Variants in PTPRM observed in about 807,000 individuals in gnomAD.
The protein encoded by PTPRM is protein tyrosine phosphatase receptor type M.
A neutral mutation model predicts 186.7 loss-of-function variants in PTPRM; 47 were observed. The observed-to-expected ratio is 0.25, with a 90% confidence interval of 0.20 to 0.32. The LOEUF (loss-of-function observed/expected upper bound fraction) is 0.32. Among genes scored for constraint, PTPRM ranks in the 10% least tolerant of loss-of-function variants. The pLI, the probability that PTPRM is intolerant of heterozygous loss-of-function variation, is 1.00. For missense variants in PTPRM, 1,494 were observed against 1,865.0 expected (o/e 0.80, Z 3.66); for synonymous variants, 668 against 674.9 (o/e 0.99, Z 0.16).
intron 9 of PTPRM, among the ~76,000 whole-genome samples, chr18:8,082,515 C>G (rs916187391): frequency 6.8e-6 from 1 of 146,846 alleles, no homozygotes; most frequent in Admixed American, 6.8e-5. Flanking sequence ...CCCTCCCTCC[C>G]TCTCACCCTC....
chr18:8,233,132 A>G (rs2147173938), intron 14 of PTPRM, among the ~76,000 whole-genome samples: 1 of 152,350 alleles, frequency 6.6e-6, no homozygotes. Flanking sequence ...GTTTGATCAT[A>G]TAGCCTCCAG....
chr18:8,135,964 A>T (rs2092628737), intron 13 of PTPRM, among the ~76,000 whole-genome samples: 1 of 152,244 alleles, frequency 6.6e-6, no homozygotes. Flanking sequence ...TGCAAACAAC[A>T]ACTACTTTGT....
At position 7,679,561 on chromosome 18, in the gene PTPRM, A is replaced by G. The variant is rs538795926; in HGVS notation, c.74-94588A>G. 5.9e-5 allele frequency among the ~76,000 whole-genome samples: 9 copies of G among 152,292 alleles called. No homozygotes were observed. The South Asian group carries it at 1.9e-3, about 32-fold the overall frequency. On this transcript the variant is annotated intron_variant, in intron 1 of 32. Transcript: ENST00000580170. ...GTGCCTGTAATCCCAGCTATTCGGG[A>G]GGCCGAGGCACGAGAATCACTTGAA... is the stretch of plus-strand genomic sequence containing the variant.
chr18:8,134,013 A>G (rs1184335851), intron 13 of PTPRM, among the ~76,000 whole-genome samples: 5 of 152,184 alleles, frequency 3.3e-5, no homozygotes, highest in African/African-American at 1.2e-4. Context: ...GACAGTAATA[A>G]CTGACCTCTC....
intron 23 of PTPRM, 42 bp from the exon 24 acceptor site, chr18:8,370,848 A>G: frequency 7.4e-7 from 1 of 1,360,182 alleles, no homozygotes; most frequent in Non-Finnish European, 1.0e-6. Context: ...ACTCCAAAAA[A>G]ACCAAACTGT....
At chr18:7,799,661 T>A (rs950780614) in intron 2 of PTPRM, among the ~76,000 whole-genome samples, 1 of 152,198 alleles carries the variant, frequency 6.6e-6, no homozygotes, top group Non-Finnish European at 1.5e-5. Context: ...TGGTTAGATT[T>A]ATTCTTGTTA....
chr18:8,290,545 A>G (rs952694089), intron 19 of PTPRM, among the ~76,000 whole-genome samples: 5 of 152,148 alleles, frequency 3.3e-5, no homozygotes, highest in African/African-American at 1.2e-4. Context: ...GAAGGAGGTT[A>G]TTAAATCACA....
At chr18:8,273,665 T>C (rs2094799269) in intron 19 of PTPRM, among the ~76,000 whole-genome samples, 1 of 152,206 alleles carries the variant, frequency 6.6e-6, no homozygotes. Flanking sequence ...TTCTCAGGCA[T>C]CAGAGGTTGT....
At chr18:8,229,412 C>G (rs1427252758) in intron 14 of PTPRM, among the ~76,000 whole-genome samples, 1 of 152,310 alleles carries the variant, frequency 6.6e-6, no homozygotes, top group Middle Eastern at 3.4e-3. Flanking sequence ...CCATTGAACA[C>G]TCTACAGTTA....
chr18:8,320,657 A>T (rs1232760536), intron 22 of PTPRM, among the ~76,000 whole-genome samples: 4 of 152,184 alleles, frequency 2.6e-5, no homozygotes, highest in Non-Finnish European at 5.9e-5. Flanking sequence ...GCTGAAATGG[A>T]GCCACTGTGG....
intron 1 of PTPRM, among the ~76,000 whole-genome samples, chr18:7,738,599 C>CTT (rs1555661574): frequency 8.9e-6 from 1 of 111,762 alleles, no homozygotes; most frequent in African/African-American, 2.9e-5. Flanking sequence ...CCACACCCGG[C>CTT]TATTTTTTTT....
At chr18:7,638,486 A>G (rs2038370526) in intron 1 of PTPRM, among the ~76,000 whole-genome samples, 1 of 152,144 alleles carries the variant, frequency 6.6e-6, no homozygotes, top group African/African-American at 2.4e-5. Context: ...GTGACTTATA[A>G]TTTCTTAGAC....
intron 7 of PTPRM, among the ~76,000 whole-genome samples, chr18:8,041,191 C>T (rs1600214920): frequency 6.6e-6 from 1 of 152,288 alleles, no homozygotes; most frequent in South Asian, 2.1e-4. Context: ...AAGGATGGAG[C>T]TACTAACATC....
At chr18:8,331,935 C>G (rs658989) in intron 22 of PTPRM, among the ~76,000 whole-genome samples, 87,508 of 152,106 alleles carry the variant, frequency 0.58, 25,779 homozygotes, top group Middle Eastern at 0.65. Flanking sequence ...GAAGGCTTCC[C>G]TGGTGCACAC....
rs75413017 is a variant in PTPRM at position 8,263,845 on chromosome 18, C to T, written c.2754+10431C>T. On this transcript the variant is annotated intron_variant, in intron 19 of 32. Coordinates refer to ENST00000580170, the MANE Select transcript of PTPRM (RefSeq NM_001105244.2). ...CGTCCTGGCCCCATACCCAGTCCTA[C>T]GCACCTGTTCGTGTGGTTGCTTGCC... Among the ~76,000 whole-genome samples, 1,467 of 152,292 alleles carry T rather than the reference C, an allele frequency of 9.6e-3. 20 individuals carry two copies. Among genetic ancestry groups the T allele is most frequent in the African/African-American group, 0.033 (1,383 of 41,560 alleles).
chr18:8,217,040 G>T (rs2094096160), intron 14 of PTPRM, among the ~76,000 whole-genome samples: 1 of 152,166 alleles, frequency 6.6e-6, no homozygotes, highest in African/African-American at 2.4e-5. Flanking sequence ...CTCTTCCCTA[G>T]AAATTTCTAT....
chr18:7,693,281 T>C (rs1458176126), intron 1 of PTPRM, among the ~76,000 whole-genome samples: 1 of 152,198 alleles, frequency 6.6e-6, no homozygotes, highest in Non-Finnish European at 1.5e-5. Context: ...TTATTCTTCT[T>C]ACCATCCTTA....
chr18:8,116,218 C>T (rs1568366868), intron 13 of PTPRM, among the ~76,000 whole-genome samples: 1 of 152,164 alleles, frequency 6.6e-6, no homozygotes, highest in African/African-American at 2.4e-5. Flanking sequence ...CAAAATACTG[C>T]TGTATTACAT....
At chr18:8,287,768 GA>G (rs1345751137) in intron 19 of PTPRM, among the ~76,000 whole-genome samples, 2 of 152,192 alleles carry the variant, frequency 1.3e-5, no homozygotes, top group African/African-American at 4.8e-5. Flanking sequence ...GAGGCAAAAT[GA>G]AAATTACTGT....
Sources: allele counts gnomAD v4.1 joint callset (sites outside exome capture counted in the v4.1 genomes callset), GRCh38; gene constraint gnomAD v4.1.1; transcripts MANE v1.5; gene names NCBI Gene and HGNC (gene_info 2026-07-23, HGNC 2026-07-21).